The following SLC22A25 variants were observed in gnomAD, a reference collection of about 807,000 sequenced individuals.
SLC22A25 encodes the protein solute carrier family 22 member 25.
In SLC22A25, 44 loss-of-function variants were observed where a neutral mutation model predicts 45.9. The ratio of observed to expected loss-of-function variants is 0.96; its 90% confidence interval spans 0.75 to 1.23. The LOEUF (loss-of-function observed/expected upper bound fraction) is 1.23. SLC22A25 is among the 50% of genes most tolerant of loss of function. The pLI is 0.00. For missense variants in SLC22A25, 800 were observed against 666.4 expected (o/e 1.20, Z -2.21); for synonymous variants, 283 against 238.6 (o/e 1.19, Z -1.72).
At chr11:63,187,386 C>T (rs1195842737) in intron 7 of SLC22A25, among the ~76,000 whole-genome samples, 1 of 152,128 alleles carries the variant, frequency 6.6e-6, no homozygotes, top group Non-Finnish European at 1.5e-5. Flanking sequence ...GATTTTTGTG[C>T]ACTTATTTTA....
intron 7 of SLC22A25, 38 bp downstream of exon 7, chr11:63,217,276 G>A (rs1590887094): frequency 3.8e-6 from 6 of 1,598,802 alleles, no homozygotes; most frequent in Non-Finnish European, 5.1e-6. Flanking sequence ...CTGCATTCAA[G>A]GATGTCATAT....
At chr11:63,196,409 G>A (rs888440467) in intron 7 of SLC22A25, among the ~76,000 whole-genome samples, 4 of 152,128 alleles carry the variant, frequency 2.6e-5, no homozygotes, top group Non-Finnish European at 4.4e-5. Flanking sequence ...TATCTGCCAC[G>A]ATCAAGTTGA....
chr11:63,200,110 A>G (rs1303278670), intron 7 of SLC22A25, among the ~76,000 whole-genome samples: 1 of 151,994 alleles, frequency 6.6e-6, no homozygotes, highest in African/African-American at 2.4e-5. Context: ...TACCAAAACT[A>G]TTCCAAAAAA....
At position 63,217,472 on chromosome 11, in the gene SLC22A25, C is replaced by A; in HGVS notation, c.672G>T (p.Trp224Cys). The change falls in exon 7 of 12, where the codon TGG becomes TGT. Residue 224 changes from tryptophan to cysteine, a missense_variant. Physicochemically the swap from Trp to Cys is radical, Grantham distance 215. Transcript: ENST00000306494. ...CCATGGCACAGAATTGGTGAGTTAT[C>A]CACTCTACAACTGAAAGAAAACACA... ...IVNTVLLIVE[W>C]ITHQFCAMAL... The A allele has an allele frequency of 6.2e-7, 1 of 1,613,906 alleles. No individual in the cohort carries two copies. The highest frequency in any genetic ancestry group is 8.5e-7 in the Non-Finnish European group (1 of 1,179,980).
In SLC22A25 at chr11:63,205,400, C is replaced by T. The variant is rs1310764347; in HGVS notation, c.830+11914G>A. ...TTTTTGAAAAAAATAACAAAATAGA[C>T]CGCTAGCAGGACTAATACAGAAGAA... On this transcript the variant is annotated intron_variant, in intron 7 of 11. Transcript: ENST00000306494. Among the ~76,000 whole-genome samples, 5 of 151,728 alleles carry T rather than the reference C, an allele frequency of 3.3e-5. No individual in the cohort carries two copies. In the East Asian group the frequency reaches 5.8e-4, roughly 18 times the overall value.
At chr11:63,168,972 T>C (rs2087781960) in intron 9 of SLC22A25, among the ~76,000 whole-genome samples, 1 of 152,148 alleles carries the variant, frequency 6.6e-6, no homozygotes, top group African/African-American at 2.4e-5. Flanking sequence ...TGGATCTCTC[T>C]GCAAAAACCC....
chr11:63,214,655 T>C (rs1238892089), intron 7 of SLC22A25, among the ~76,000 whole-genome samples: 1 of 152,130 alleles, frequency 6.6e-6, no homozygotes, highest in Non-Finnish European at 1.5e-5. Flanking sequence ...AAGTAAGAAA[T>C]GATGTAATGC....
chr11:63,242,759 G>T (rs2090270856), intron 1 of SLC22A25, among the ~76,000 whole-genome samples: 1 of 152,104 alleles, frequency 6.6e-6, no homozygotes, highest in Non-Finnish European at 1.5e-5. Flanking sequence ...TCCCTATGTT[G>T]CTGCCTTCCC....
intron 7 of SLC22A25, among the ~76,000 whole-genome samples, chr11:63,193,234 TGAA>T (rs2088878077): frequency 6.6e-6 from 1 of 151,312 alleles, no homozygotes; most frequent in African/African-American, 2.4e-5. Context: ...GCATGAGTGA[TGAA>T]GAAGATGGGT....
intron 7 of SLC22A25, among the ~76,000 whole-genome samples, chr11:63,205,376 T>A (rs538930902): frequency 6.6e-6 from 1 of 151,996 alleles, no homozygotes; most frequent in Non-Finnish European, 1.5e-5. Context: ...AGCAGCTGTT[T>A]TTTGAAAAAA....
chr11:63,174,552 G>A (rs981091235), intron 9 of SLC22A25, among the ~76,000 whole-genome samples: 2 of 152,060 alleles, frequency 1.3e-5, no homozygotes, highest in Admixed American at 1.3e-4. Flanking sequence ...CCCACGTCTA[G>A]TTCCTCTTCT....
intron 7 of SLC22A25, among the ~76,000 whole-genome samples, chr11:63,189,457 CT>C: frequency 6.6e-6 from 1 of 152,254 alleles, no homozygotes; most frequent in East Asian, 1.9e-4. Flanking sequence ...TGACATGGGT[CT>C]CCTGAATACA....
In SLC22A25 at chr11:63,162,791, T is replaced by C. The variant is rs1175941500; in HGVS notation, c.*1033A>G. 6.6e-6 allele frequency among the ~76,000 whole-genome samples: 1 copy of C among 152,216 alleles called. No individual in the cohort carries two copies. The highest frequency in any genetic ancestry group is 6.5e-5 in the Admixed American group (1 of 15,278). On this transcript the variant is annotated 3_prime_UTR_variant, in exon 12 of 12. Transcript: ENST00000306494. ...GAATCACAGTTGTAAATGGAATGTA[T>C]TTATCCATTATATCTTGTTATTTAT... is the stretch of plus-strand genomic sequence containing the variant.
At chr11:63,218,827 A>T (rs2089784664) in intron 5 of SLC22A25, among the ~76,000 whole-genome samples, 1 of 152,222 alleles carries the variant, frequency 6.6e-6, no homozygotes, top group African/African-American at 2.4e-5. Context: ...GCATGTGGTG[A>T]GGCAGAATTT....
chr11:63,220,391 TC>T (rs1021316182), intron 5 of SLC22A25, among the ~76,000 whole-genome samples: 1 of 152,192 alleles, frequency 6.6e-6, no homozygotes, highest in African/African-American at 2.4e-5. Flanking sequence ...TCCTTTCTGT[TC>T]CCATAGATAA....
chr11:63,212,601 GGTGGGAA>G (rs2089601432), intron 7 of SLC22A25, among the ~76,000 whole-genome samples: 1 of 150,284 alleles, frequency 6.7e-6, no homozygotes, highest in African/African-American at 2.5e-5. Context: ...CTCACTTATA[GGTGGGAA>G]TTGAGCAATG....
intron 7 of SLC22A25, among the ~76,000 whole-genome samples, chr11:63,205,114 G>A (rs1048202932): frequency 6.6e-6 from 1 of 152,078 alleles, no homozygotes; most frequent in Non-Finnish European, 1.5e-5. Context: ...TGAACCCGAT[G>A]GGAACAAAGA....
Position 63,190,489 on chromosome 11 carries a change from G to A in SLC22A25, c.831-6672C>T, listed in dbSNP as rs747279874. 1.1e-4 allele frequency among the ~76,000 whole-genome samples: 16 copies of A among 152,074 alleles called. No individual in the cohort carries two copies. In the East Asian group the frequency reaches 1.2e-3, roughly 11 times the overall value. ...TTTTTAACTTCTTTGCCATGAGTTC[G>A]AACTTCCTTCTTTGGCTCGGAGTAG... is the stretch of plus-strand genomic sequence containing the variant. On this transcript the variant is annotated intron_variant, in intron 7 of 11. Coordinates refer to ENST00000306494, the MANE Select transcript of SLC22A25 (RefSeq NM_199352.6).
At chr11:63,211,493 C>A (rs1412846993) in intron 7 of SLC22A25, among the ~76,000 whole-genome samples, 11 of 152,200 alleles carry the variant, frequency 7.2e-5, no homozygotes, top group African/African-American at 2.4e-5. Context: ...GAAGCTTGCT[C>A]CCCAAAGTCA....
Sources: gnomAD v4.1 joint callset for allele counts (sites outside exome capture counted in the v4.1 genomes callset) on GRCh38, gnomAD v4.1.1 for gene constraint, MANE v1.5 for transcripts, NCBI Gene and HGNC (gene_info 2026-07-23, HGNC 2026-07-21) for gene names.